The following B4GALT5 variants were observed in gnomAD, a reference collection of about 807,000 sequenced individuals.
B4GALT5 encodes beta-1,4-galactosyltransferase 5.
A neutral mutation model predicts 45.0 loss-of-function variants in B4GALT5; 11 were observed. The observed-to-expected ratio is 0.24, with a 90% CI of 0.15 to 0.40. The LOEUF (loss-of-function observed/expected upper bound fraction) is 0.40, where lower values mean the gene tolerates loss of function less well. B4GALT5 is among the 10% of genes least tolerant of loss of function. The pLI, the probability that B4GALT5 is intolerant of heterozygous loss-of-function variation, is 1.00. For missense variants in B4GALT5, 337 were observed against 500.2 expected (o/e 0.67, Z 3.11); for synonymous variants, 185 against 182.9 (o/e 1.01, Z -0.09).
At chr20:49,673,329 G>A (rs1276679410) in intron 1 of B4GALT5, among the ~76,000 whole-genome samples, 2 of 151,982 alleles carry the variant, frequency 1.3e-5, no homozygotes, top group East Asian at 1.9e-4. Flanking sequence ...GCAGCAAGCC[G>A]AGATCGTGCC....
intron 1 of B4GALT5, among the ~76,000 whole-genome samples, chr20:49,698,037 T>C (rs912323082): frequency 1.3e-5 from 2 of 152,182 alleles, no homozygotes; most frequent in Non-Finnish European, 2.9e-5. Context: ...TTTGGAAATT[T>C]CCAGCCGGGC....
chr20:49,666,922 T>C (rs1044891952), intron 1 of B4GALT5, among the ~76,000 whole-genome samples: 21 of 152,346 alleles, frequency 1.4e-4, no homozygotes, highest in African/African-American at 4.8e-4. Flanking sequence ...TGGATTCCTA[T>C]ACAACTAATA....
intron 1 of B4GALT5, among the ~76,000 whole-genome samples, chr20:49,670,393 T>C (rs1288574329): frequency 6.6e-6 from 1 of 152,180 alleles, no homozygotes; most frequent in East Asian, 1.9e-4. Flanking sequence ...ATGACCTTTT[T>C]TCCTTCTGTT....
At chr20:49,676,456 T>A (rs1052937920) in intron 1 of B4GALT5, among the ~76,000 whole-genome samples, 5 of 152,232 alleles carry the variant, frequency 3.3e-5, no homozygotes, top group African/African-American at 1.2e-4. Flanking sequence ...TGCTAAATAA[T>A]TTATGCTAGG....
intron 2 of B4GALT5, among the ~76,000 whole-genome samples, chr20:49,655,570 CAAGA>C (rs1360118758): frequency 6.6e-6 from 1 of 152,150 alleles, no homozygotes; most frequent in Non-Finnish European, 1.5e-5. Flanking sequence ...AGAGAGGCCT[CAAGA>C]GAGTCCCACT....
At chr20:49,706,541 G>A (rs999009628) in intron 1 of B4GALT5, among the ~76,000 whole-genome samples, 5 of 152,094 alleles carry the variant, frequency 3.3e-5, no homozygotes, top group Non-Finnish European at 2.9e-5. Flanking sequence ...CTGGGTACCT[G>A]GGTAGCTCCA....
rs1414306477 is a variant in B4GALT5 at position 49,705,780 on chromosome 20, GA to G, written c.115+7795del. Among the ~76,000 whole-genome samples the G allele has an allele frequency of 7.9e-5, 12 of 151,558 alleles. No homozygotes were observed. The East Asian group carries it at 1.7e-3, about 22-fold the overall frequency. On this transcript the variant is annotated intron_variant, in intron 1 of 8. Transcript: ENST00000371711. ...AGTCTCCTCAGTTCACAGAAAACAG[GA>G]AAAAAAATTCATACCTAGTTATTGG...
At chr20:49,673,050 C>T (rs1248263331) in intron 1 of B4GALT5, among the ~76,000 whole-genome samples, 1 of 152,056 alleles carries the variant, frequency 6.6e-6, no homozygotes, top group East Asian at 1.9e-4. Context: ...TAATTTAAAT[C>T]GAATCAAGCT....
At chr20:49,650,602 A>C (rs2085618254) in intron 2 of B4GALT5, among the ~76,000 whole-genome samples, 1 of 152,138 alleles carries the variant, frequency 6.6e-6, no homozygotes, top group South Asian at 2.1e-4. Context: ...ACACGGTTGC[A>C]CTCCAGCCTG....
At chr20:49,677,778 C>T (rs1022862036) in intron 1 of B4GALT5, among the ~76,000 whole-genome samples, 1 of 152,216 alleles carries the variant, frequency 6.6e-6, no homozygotes, top group Non-Finnish European at 1.5e-5. Flanking sequence ...TGGAGTCTCA[C>T]TCTAACGCCC....
At position 49,642,486 on chromosome 20, in the gene B4GALT5, T is replaced by C; in HGVS notation, c.588A>G (p.Ala196=). Residue 196 remains alanine (A), a synonymous_variant, in exon 5 of 9, where the codon GCA becomes GCG. Transcript: ENST00000371711. ...TACTCACTTGTTCAACCACATAAAA[T>C]GCAAACTGCAAGCGCTGGCGCTGGA... ...PMLQRQRLQF[A]FYVVEQVGTQ... The C allele has an allele frequency of 6.2e-7, 1 of 1,613,362 alleles. No homozygotes were observed. The highest frequency in any genetic ancestry group is 8.5e-7 in the Non-Finnish European group (1 of 1,179,538).
intron 2 of B4GALT5, among the ~76,000 whole-genome samples, chr20:49,652,950 A>G (rs1397475773): frequency 6.6e-6 from 1 of 152,214 alleles, no homozygotes; most frequent in East Asian, 1.9e-4. Flanking sequence ...TGGCTGTCTC[A>G]GCAGTGCTGG....
At chr20:49,686,152 AT>A (rs748718888) in intron 1 of B4GALT5, among the ~76,000 whole-genome samples, 267 of 152,260 alleles carry the variant, frequency 1.8e-3, no homozygotes, top group Middle Eastern at 6.8e-3. Context: ...AGCTTAAATT[AT>A]TTTTGGTAGT....
chr20:49,674,500 G>C (rs960612645), intron 1 of B4GALT5, among the ~76,000 whole-genome samples: 2 of 151,976 alleles, frequency 1.3e-5, no homozygotes, highest in African/African-American at 4.8e-5. Context: ...CCAACACTTT[G>C]GAATTACAAA....
At chr20:49,650,580 T>A (rs1336255053) in intron 2 of B4GALT5, among the ~76,000 whole-genome samples, 2 of 151,750 alleles carry the variant, frequency 1.3e-5, no homozygotes, top group Non-Finnish European at 2.9e-5. Flanking sequence ...GAGGTTACAG[T>A]GAGCTGAGAT....
intron 2 of B4GALT5, among the ~76,000 whole-genome samples, chr20:49,650,494 G>A (rs1035007336): frequency 4.0e-5 from 6 of 150,212 alleles, no homozygotes; most frequent in Admixed American, 6.6e-5. Context: ...AAAATTAGCC[G>A]GGCATGGTGG....
rs16994757 is a variant in B4GALT5 at position 49,639,776 on chromosome 20, G to A, written c.819C>T (p.Gly273=). 1.6e-3 allele frequency: 2,576 copies of A among 1,613,216 alleles called. 35 individuals carry two copies. The African/African-American group carries it at 0.03, about 19-fold the overall frequency. The change falls in exon 7 of 9, where the codon GGC becomes GGT. Residue 273 remains glycine, a synonymous_variant. Coordinates refer to ENST00000371711, the MANE Select transcript of B4GALT5 (RefSeq NM_004776.4). ...MYLLPYTEFF[G]GVSGLTVEQF... ...GTTCCACTGTTAAGCCACTCACTCC[G>A]CCAAAGAACTCGGTATAAGGAAGCC...
In B4GALT5 at chr20:49,638,284, G is replaced by C. The variant is rs139666356; in HGVS notation, c.918-842C>G. Among the ~76,000 whole-genome samples, 198 of 152,244 alleles carry C rather than the reference G, an allele frequency of 1.3e-3. 1 individual carries two copies. The highest frequency in any genetic ancestry group is 4.5e-3 in the African/African-American group (186 of 41,540). On this transcript the variant is annotated intron_variant, in intron 7 of 8. Transcript: ENST00000371711. ...CCTCAAGCCTAGGCCTTGTGAAGAG[G>C]TGGGATTACAGGTGTGAGCCACAGT...
At chr20:49,648,757 G>T (rs2085609279) in intron 2 of B4GALT5, among the ~76,000 whole-genome samples, 1 of 152,130 alleles carries the variant, frequency 6.6e-6, no homozygotes, top group Non-Finnish European at 1.5e-5. Flanking sequence ...TGTACTTGTA[G>T]AGTAGGAGGA....
Sources: gnomAD v4.1 joint callset for allele counts (sites outside exome capture counted in the v4.1 genomes callset) on GRCh38, gnomAD v4.1.1 for gene constraint, MANE v1.5 for transcripts, NCBI Gene and HGNC (gene_info 2026-07-23, HGNC 2026-07-21) for gene names.